The following DPP8 variants were observed in gnomAD, a reference collection of about 807,000 sequenced individuals.
DPP8 encodes the protein DPP VIII.
Under a neutral mutation model 107.5 loss-of-function variants are expected in DPP8, and 31 were observed. That is an observed-to-expected ratio of 0.29 (90% confidence interval 0.22 to 0.39). The LOEUF (loss-of-function observed/expected upper bound fraction) is 0.39. DPP8 is among the 10% of genes least tolerant of loss of function. The pLI is 1.00. For missense variants in DPP8, 842 were observed against 1,076.1 expected (o/e 0.78, Z 3.04); for synonymous variants, 381 against 356.6 (o/e 1.07, Z -0.77).
intron 9 of DPP8, 101 bp downstream of exon 9, chr15:65,481,414 G>T: frequency 1.3e-6 from 1 of 788,694 alleles, no homozygotes; most frequent in Non-Finnish European, 2.1e-6. Context: ...AAATTTACAT[G>T]TGAAGGCAGC....
At chr15:65,462,130 G>A (rs899362819) in intron 15 of DPP8, among the ~76,000 whole-genome samples, 2 of 151,620 alleles carry the variant, frequency 1.3e-5, no homozygotes, top group East Asian at 1.9e-4. Flanking sequence ...CACTGCGCCC[G>A]ACTAATTTTT....
intron 11 of DPP8, 36 bp downstream of exon 11, chr15:65,478,844 A>AT: frequency 6.7e-7 from 1 of 1,495,590 alleles, no homozygotes; most frequent in Non-Finnish European, 9.1e-7. Context: ...TGCTTCCAAC[A>AT]TTTTTTCTTT....
intron 15 of DPP8, among the ~76,000 whole-genome samples, chr15:65,461,773 G>T (rs11635470): frequency 0.014 from 2,112 of 152,056 alleles, 25 homozygotes; most frequent in Middle Eastern, 0.075. Flanking sequence ...GCTAATGTTT[G>T]TATTTTTAGT....
At chr15:65,483,414 T>C (rs942095181) in intron 8 of DPP8, among the ~76,000 whole-genome samples, 16 of 151,786 alleles carry the variant, frequency 1.1e-4, no homozygotes, top group South Asian at 2.1e-4. Context: ...CCCAGCTACT[T>C]AGAAGGCGGA....
chr15:65,504,150 G>A (rs1332543843), intron 3 of DPP8, among the ~76,000 whole-genome samples: 2 of 149,908 alleles, frequency 1.3e-5, no homozygotes, highest in Non-Finnish European at 3.0e-5. Flanking sequence ...ATCACCTGAG[G>A]TCGGAAGTTC....
At chr15:65,471,375 A>C (rs2065883282) in intron 12 of DPP8, among the ~76,000 whole-genome samples, 1 of 152,204 alleles carries the variant, frequency 6.6e-6, no homozygotes, top group Non-Finnish European at 1.5e-5. Flanking sequence ...TGAGGCGGGT[A>C]TCATTCTGAC....
intron 2 of DPP8, 110 bp downstream of exon 2, chr15:65,512,184 CA>C: frequency 3.5e-6 from 4 of 1,127,492 alleles, no homozygotes; most frequent in South Asian, 1.4e-5. Context: ...TTAATGAAAC[CA>C]AAAGTCACTG....
intron 6 of DPP8, among the ~76,000 whole-genome samples, chr15:65,489,795 G>C (rs552300519): frequency 3.9e-5 from 6 of 151,994 alleles, no homozygotes; most frequent in Admixed American, 3.3e-4. Context: ...TTGGCTCACT[G>C]TAACCTCTGT....
rs2063456159 is a variant in DPP8, at chr15:65,445,293, A to T, written c.*1591T>A. On this transcript the variant is annotated 3_prime_UTR_variant, in exon 20 of 20. Transcript: ENST00000300141. The stretch of plus-strand genomic sequence containing the variant: ...GTAGTGATGAGAAAGAAATATAGCA[A>T]ATTTTCTTGGAGTGTTGTTTAAAAG... 6.6e-6 allele frequency: 1 copy of T among 152,178 alleles called. No individual in the cohort carries two copies. The highest frequency in any genetic ancestry group is 2.4e-5 in the African/African-American group (1 of 41,444). 9.4% of individuals were successfully genotyped at this position (152,178 alleles called of 1,614,324 possible).
Position 65,467,159 on chromosome 15 carries a change from T to C in DPP8, c.1601A>G (p.His534Arg). ...FEGTKDSPLEHHLYVVSYVNP... is the reference protein window; with the variant it reads ...FEGTKDSPLERHLYVVSYVNP... ...TACGTAACTGACTACGTACAGGTGA[T>C]GCTCTAAAGGGGAGTCTTTGGTGCC... Residue 534 changes from histidine to arginine, a missense_variant, in exon 13 of 20, where the codon CAT (histidine) becomes CGT (arginine). Physicochemically the swap from His to Arg is conservative, Grantham distance 29. Transcript: ENST00000300141. 1 of 1,614,144 alleles carries C rather than the reference T, an allele frequency of 6.2e-7. No homozygotes were observed. Among genetic ancestry groups the C allele is most frequent in the Non-Finnish European group, 8.5e-7 (1 of 1,180,002 alleles).
Position 65,495,360 on chromosome 15 carries a change from T to C in DPP8, c.715+2504A>G, listed in dbSNP as rs180831363. On this transcript the variant is annotated intron_variant, in intron 5 of 19. Coordinates refer to ENST00000300141, the MANE Select transcript of DPP8 (RefSeq NM_130434.5). ...GTGGCTCTCGCCTGTTCTCAGCACT[T>C]TGGGAGGCAGAGGTGGACGGATCAC... is the stretch of plus-strand genomic sequence containing the variant. 1.4e-3 allele frequency among the ~76,000 whole-genome samples: 206 copies of C among 152,246 alleles called. 1 individual carries two copies. Among genetic ancestry groups the C allele is most frequent in the African/African-American group, 4.6e-3 (192 of 41,550 alleles).
At chr15:65,457,026 C>T (rs1351540647) in intron 15 of DPP8, among the ~76,000 whole-genome samples, 1 of 152,160 alleles carries the variant, frequency 6.6e-6, no homozygotes, top group Non-Finnish European at 1.5e-5. Context: ...CATCCCCTTT[C>T]CCAGCAAATC....
chr15:65,502,847 G>A (rs1233289126), intron 3 of DPP8: 3 of 150,650 alleles, frequency 2.0e-5, no homozygotes, highest in Non-Finnish European at 4.4e-5. Context: ...AATAAAAAAA[G>A]AAAACAAAAA....
chr15:65,461,186 C>T (rs1320075397), intron 15 of DPP8, among the ~76,000 whole-genome samples: 1 of 152,102 alleles, frequency 6.6e-6, no homozygotes. Flanking sequence ...GCTCTGTCAC[C>T]CAGGCTGGAG....
intron 7 of DPP8, among the ~76,000 whole-genome samples, chr15:65,486,164 G>A (rs2067409294): frequency 6.6e-6 from 1 of 151,014 alleles, no homozygotes; most frequent in South Asian, 2.1e-4. Flanking sequence ...AGCACTTTGG[G>A]AGGCTGAGGC....
intron 16 of DPP8, chr15:65,455,565 C>G (rs2064346471): frequency 1.4e-6 from 1 of 738,524 alleles, no homozygotes; most frequent in South Asian, 2.2e-5. Context: ...ATTCCTACCA[C>G]CACCACCTTG....
chr15:65,488,933 T>C (rs1031298020), intron 6 of DPP8, among the ~76,000 whole-genome samples: 1 of 152,078 alleles, frequency 6.6e-6, no homozygotes, highest in Admixed American at 6.6e-5. Context: ...CAATCACACA[T>C]TTTTATAGCA....
chr15:65,474,891 T>C (rs2066243422), intron 11 of DPP8, among the ~76,000 whole-genome samples: 1 of 152,234 alleles, frequency 6.6e-6, no homozygotes, highest in Non-Finnish European at 1.5e-5. Flanking sequence ...TCTATTTAGG[T>C]AATGCAAAAA....
In DPP8 at chr15:65,480,340, G is replaced by C. The variant is rs780897811; in HGVS notation, c.1178C>G (p.Pro393Arg). The C allele has an allele frequency of 1.2e-6, 2 of 1,611,280 alleles. No individual in the cohort carries two copies. Among genetic ancestry groups the C allele is most frequent in the East Asian group, 2.2e-5 (1 of 44,732 alleles). The part of the protein sequence containing the change: ...QTRLQIVLIS[P>R]ELFIPVEDDV... ...ATCTTCTACTGGGATAAATAATTCA[G>C]GTGAGATCAACACTATCTGTAGGCG... The change falls in exon 10 of 20, where the codon CCT (proline) becomes CGT (arginine). Residue 393 changes from proline to arginine, a missense_variant. This residue lies in a region of DPP8 where 663 missense variants were observed against 758.0 expected (regional missense o/e 0.87). Transcript: ENST00000300141.
Sources: gnomAD v4.1 joint callset for allele counts (sites outside exome capture counted in the v4.1 genomes callset) on GRCh38, gnomAD v4.1.1 for gene constraint, gnomAD v4.1.1 regional missense constraint, MANE v1.5 for transcripts, NCBI Gene and HGNC (gene_info 2026-07-23, HGNC 2026-07-21) for gene names.